EIF4G3: variants seen among roughly 807,000 people sequenced by gnomAD.
EIF4G3 encodes eukaryotic translation initiation factor 4 gamma 3.
In EIF4G3, 34 loss-of-function variants were observed where a neutral mutation model predicts 186.4. The ratio of observed to expected loss-of-function variants is 0.18; its 90% CI spans 0.14 to 0.24. The LOEUF (loss-of-function observed/expected upper bound fraction) is 0.24, where lower values mean the gene tolerates loss of function less well. EIF4G3 is among the 10% of genes least tolerant of loss of function. EIF4G3 has a pLI of 1.00. For synonymous variants in EIF4G3, 673 were observed against 679.5 expected (o/e 0.99, Z 0.15); for missense variants, 1,536 against 1,948.5 (o/e 0.79, Z 3.99).
At chr1:20,811,196 C>T (rs1475987018) in intron 35 of EIF4G3, among the ~76,000 whole-genome samples, 2 of 152,262 alleles carry the variant, frequency 1.3e-5, no homozygotes, top group East Asian at 1.9e-4. Context: ...TCAGGCGATC[C>T]ACCCGCCTCA....
intron 4 of EIF4G3, among the ~76,000 whole-genome samples, chr1:21,036,453 A>C (rs2093206516): frequency 6.6e-6 from 1 of 152,198 alleles, no homozygotes; most frequent in Admixed American, 6.5e-5. Context: ...AAGATCCCGT[A>C]ATGTTAGTAC....
chr1:20,927,395 T>G (rs1314983769), intron 14 of EIF4G3, among the ~76,000 whole-genome samples: 1 of 152,236 alleles, frequency 6.6e-6, no homozygotes, highest in East Asian at 1.9e-4. Context: ...TCTTGTACCC[T>G]TGAAACGACT....
At chr1:20,850,892 C>T (rs1012308265) in intron 28 of EIF4G3, among the ~76,000 whole-genome samples, 2 of 152,284 alleles carry the variant, frequency 1.3e-5, no homozygotes, top group South Asian at 4.1e-4. Context: ...GTTTGTCTTG[C>T]AGTGGCTCAA....
At chr1:21,002,891 T>C (rs1041006273) in intron 4 of EIF4G3, 83 bp from the exon 5 acceptor site, 5 of 789,482 alleles carry the variant, frequency 6.3e-6, no homozygotes, top group African/African-American at 5.3e-5. Flanking sequence ...TATAAAAGTT[T>C]ACAGAAGTGG....
At chr1:20,820,220 TG>T (rs1396870877) in intron 33 of EIF4G3, among the ~76,000 whole-genome samples, 1 of 151,790 alleles carries the variant, frequency 6.6e-6, no homozygotes, top group Non-Finnish European at 1.5e-5. Context: ...CGCAGCTGCC[TG>T]ACCTGCGGCT....
intron 14 of EIF4G3, among the ~76,000 whole-genome samples, chr1:20,909,778 ATT>A (rs35293207): frequency 1.1e-4 from 14 of 129,318 alleles, no homozygotes; most frequent in Non-Finnish European, 1.5e-4. Context: ...CAATCTGCTA[ATT>A]TTTTTTTTTT....
chr1:21,064,112 G>C (rs2095102722), intron 3 of EIF4G3, among the ~76,000 whole-genome samples: 1 of 152,094 alleles, frequency 6.6e-6, no homozygotes, highest in African/African-American at 2.4e-5. Context: ...TTGGAACTTG[G>C]CAGTGAGGTA....
chr1:20,864,657 C>T lies in EIF4G3; in HGVS notation c.2825G>A (p.Arg942Gln), dbSNP rs767162377. Residue 942 changes from arginine to glutamine, a missense_variant, in exon 22 of 37, where the codon CGG becomes CAG. Arg to Gln is a conservative substitution (Grantham distance 43). Coordinates refer to ENST00000602326, the MANE Select transcript of EIF4G3 (RefSeq NM_001391906.1). The stretch of plus-strand genomic sequence containing the variant: ...CTTGATGTTGCCAATGGATCTCCGC[C>T]GGGCTTTGTCCTTGGCTTCTTCCAG... ...DELEEAKDKARRRSIGNIKFI... is the reference protein window; with the variant it reads ...DELEEAKDKAQRRSIGNIKFI... The T allele has an allele frequency of 5.6e-6, 9 of 1,614,128 alleles. No homozygotes were observed. Among genetic ancestry groups the T allele is most frequent in the South Asian group, 1.1e-5 (1 of 91,068 alleles).
intron 4 of EIF4G3, among the ~76,000 whole-genome samples, chr1:21,049,115 G>C (rs556401669): frequency 6.6e-6 from 1 of 152,306 alleles, no homozygotes; most frequent in Non-Finnish European, 1.5e-5. Flanking sequence ...GAGCCTTTTA[G>C]CCATTGTGCC....
At chr1:20,814,903 C>T (rs1181892646) in intron 34 of EIF4G3, among the ~76,000 whole-genome samples, 1 of 118,324 alleles carries the variant, frequency 8.5e-6, no homozygotes, top group Non-Finnish European at 1.8e-5. Flanking sequence ...CTGCCTCAGC[C>T]TGCCGAGTGC....
intron 10 of EIF4G3, among the ~76,000 whole-genome samples, chr1:20,973,458 GGT>G (rs1248909953): frequency 6.6e-6 from 1 of 152,158 alleles, no homozygotes; most frequent in Admixed American, 6.5e-5. Context: ...CTCACACAAG[GGT>G]GTATGTGTAT....
At chr1:21,031,646 G>A (rs2092758265) in intron 4 of EIF4G3, among the ~76,000 whole-genome samples, 1 of 152,174 alleles carries the variant, frequency 6.6e-6, no homozygotes, top group South Asian at 2.1e-4. Flanking sequence ...CAACAAAAAG[G>A]ACTTGCCAAA....
chr1:20,829,031 C>CTT (rs2064394373), intron 31 of EIF4G3, 116 bp downstream of exon 31: 1 of 1,099,510 alleles, frequency 9.1e-7, no homozygotes, highest in African/African-American at 1.6e-5. Context: ...AGAGTCACAG[C>CTT]CTGCATTCAT....
At position 20,862,210 on chromosome 1, in the gene EIF4G3, A is replaced by ATTTT; in HGVS notation, c.3111+14_3111+17dup. ...AGACTGGACCAGCAGGCTTATTATT[A>ATTTT]TTTTTTTTCCCACTCACCAGCCTTA... is the stretch of plus-strand genomic sequence containing the variant. On this transcript the variant is annotated intron_variant, in intron 23 of 36. Coordinates refer to ENST00000602326, the MANE Select transcript of EIF4G3 (RefSeq NM_001391906.1). 5 of 1,300,848 alleles carry ATTTT rather than the reference A, an allele frequency of 3.8e-6. No individual in the cohort carries two copies. Among genetic ancestry groups the ATTTT allele is most frequent in the Non-Finnish European group, 4.3e-6 (4 of 925,620 alleles). The allele number at this position is 1,300,848 out of a possible 1,614,324, so 80.6% of individuals were successfully genotyped here.
intron 10 of EIF4G3, among the ~76,000 whole-genome samples, chr1:20,977,120 T>A (rs950509443): frequency 2.0e-5 from 3 of 151,518 alleles, no homozygotes; most frequent in African/African-American, 7.3e-5. Flanking sequence ...AACTGTTAAA[T>A]GTTATTGCTT....
chr1:20,842,837 TC>T (rs2069170502), intron 29 of EIF4G3, among the ~76,000 whole-genome samples: 1 of 151,528 alleles, frequency 6.6e-6, no homozygotes, highest in South Asian at 2.1e-4. Context: ...TCCTTGTGGG[TC>T]TTTTAGTTTT....
intron 30 of EIF4G3, among the ~76,000 whole-genome samples, chr1:20,840,073 A>T (rs2068047500): frequency 6.6e-6 from 1 of 152,172 alleles, no homozygotes; most frequent in African/African-American, 2.4e-5. Context: ...GGCATCTGTC[A>T]GTGCTGGGTG....
chr1:20,905,959 G>C (rs1338744431), intron 14 of EIF4G3, among the ~76,000 whole-genome samples: 3 of 152,282 alleles, frequency 2.0e-5, no homozygotes, highest in Middle Eastern at 3.4e-3. Flanking sequence ...TGGTATGACA[G>C]TAGAACGTGC....
chr1:21,168,099 A>G (rs1249570662), intron 2 of EIF4G3: 3 of 467,862 alleles, frequency 6.4e-6, no homozygotes, highest in Non-Finnish European at 1.3e-5. Context: ...ATACAGAATA[A>G]AACTATTCAA....
Sources: gnomAD v4.1 joint callset for allele counts (sites outside exome capture counted in the v4.1 genomes callset) on GRCh38, gnomAD v4.1.1 for gene constraint, MANE v1.5 for transcripts, NCBI Gene and HGNC (gene_info 2026-07-23, HGNC 2026-07-21) for gene names.